The following ABCA13 variants were observed in gnomAD, a reference collection of about 807,000 sequenced individuals.
ABCA13 encodes the protein ATP binding cassette subfamily A member 13, also known as ATP-binding cassette sub-family A member 13.
ABCA13 carries 476 observed loss-of-function variants against 478.7 expected under a neutral mutation model. That is an observed-to-expected ratio of 0.99 (90% CI 0.92 to 1.07). The LOEUF (loss-of-function observed/expected upper bound fraction) is 1.07, where lower values mean the gene tolerates loss of function less well. Ranked by LOEUF, ABCA13 falls within the 50% of genes least tolerant of loss-of-function variation. The probability of loss-of-function intolerance (pLI) is 0.00; values close to 1 mark genes in which losing one functional copy is unlikely to be tolerated. For missense variants in ABCA13, 6,060 were observed against 5,910.6 expected, an observed-to-expected ratio of 1.03 and a Z score of -0.83; for synonymous variants, 2,252 against 2,158.9, an observed-to-expected ratio of 1.04 and a Z score of -1.20.
Position 48,273,100 on chromosome 7 carries a change from A to G in ABCA13, c.3434A>G (p.His1145Arg), listed in dbSNP as rs1376263715. The G allele has an allele frequency of 1.9e-6, 3 of 1,613,664 alleles. No individual in the cohort carries two copies. Among genetic ancestry groups the G allele is most frequent in the Non-Finnish European group, 1.7e-6 (2 of 1,179,758 alleles). Residue 1145 changes from histidine to arginine, a missense_variant, in exon 17 of 62, where the codon CAC becomes CGC. By Grantham distance (29) the His-to-Arg change is conservative. This residue lies in a region of ABCA13 where 4,423 missense variants were observed against 4,309.1 expected (regional missense o/e 1.03). Transcript: ENST00000435803. ...VSVFNKFMSI[H>R]CTVSWLQMWT... is the part of the protein sequence containing the mutation. ...GTGTTCAACAAGTTTATGTCCATTC[A>G]CTGTACCGTTTCATGGCTTCAAATG...
At chr7:48,537,630 C>T (rs968055050) in intron 55 of ABCA13, among the ~76,000 whole-genome samples, 4 of 152,136 alleles carry the variant, frequency 2.6e-5, no homozygotes, top group Admixed American at 6.6e-5. Flanking sequence ...AGCAGGGTTA[C>T]GAGCCAGAGT....
chr7:48,285,914 A>T (rs1268511069), intron 19 of ABCA13, among the ~76,000 whole-genome samples: 1 of 152,244 alleles, frequency 6.6e-6, no homozygotes, highest in Non-Finnish European at 1.5e-5. Context: ...GTAAAATAAG[A>T]TTAATGAGAA....
At chr7:48,633,666 A>G (rs1232794636) in intron 59 of ABCA13, among the ~76,000 whole-genome samples, 2 of 151,742 alleles carry the variant, frequency 1.3e-5, no homozygotes, top group East Asian at 1.9e-4. Flanking sequence ...CTCTTGAGGC[A>G]AGGAGTTTGA....
chr7:48,276,137 T>C lies in ABCA13; in HGVS notation c.6471T>C (p.Asp2157=). 2 of 1,597,364 alleles carry C rather than the reference T, an allele frequency of 1.3e-6. No individual in the cohort carries two copies. The highest frequency in any genetic ancestry group is 1.7e-6 in the Non-Finnish European group (2 of 1,171,264). Reference sequence around the variant, plus strand: ...TGACCAATGAGAGTTCAACTGAAGATATAGCTTTGTTAGCCAAAGCTATTG... The same window carrying C: ...TGACCAATGAGAGTTCAACTGAAGACATAGCTTTGTTAGCCAAAGCTATTG... ...IPVTNESSTE[D]IALLAKAIAT... The change falls in exon 17 of 62, where the codon GAT becomes GAC. Residue 2157 remains aspartate, a synonymous_variant. Transcript: ENST00000435803.
intron 55 of ABCA13, among the ~76,000 whole-genome samples, chr7:48,556,155 G>A (rs1785803436): frequency 6.6e-6 from 1 of 151,610 alleles, no homozygotes; most frequent in Non-Finnish European, 1.5e-5. Context: ...ATTCTCTTGT[G>A]GTCAGGGAAG....
At chr7:48,229,795 A>G in intron 6 of ABCA13, 30 bp from the exon 7 acceptor site, 1 of 1,613,226 alleles carries the variant, frequency 6.2e-7, no homozygotes, top group Non-Finnish European at 8.5e-7. Context: ...CTACCCACTC[A>G]TATTGCTTTT....
At chr7:48,229,204 A>G (rs1290947884) in intron 6 of ABCA13, among the ~76,000 whole-genome samples, 3 of 152,106 alleles carry the variant, frequency 2.0e-5, no homozygotes, top group Non-Finnish European at 2.9e-5. Flanking sequence ...CTAATCTACA[A>G]ATTTAAGCAT....
Position 48,275,802 on chromosome 7 carries a change from A to AT in ABCA13, c.6138dup (p.Glu2047Ter), listed in dbSNP as rs1339640992. Reference sequence around the variant, plus strand: ...CAGTTTAGAAGCATTATCAAGTTTTATTGAAAAAAGTGAAACACCTTACAA... The same window carrying AT: ...CAGTTTAGAAGCATTATCAAGTTTTATTTGAAAAAAGTGAAACACCTTACAA... On this transcript the variant is annotated frameshift_variant, in exon 17 of 62. Coordinates refer to ENST00000435803, the MANE Select transcript of ABCA13 (RefSeq NM_152701.5). LOFTEE classifies it high-confidence loss of function. 2.5e-6 allele frequency: 4 copies of AT among 1,612,468 alleles called. No homozygotes were observed. The African/African-American group carries it at 5.3e-5, about 22-fold the overall frequency.
At position 48,275,446 on chromosome 7, in the gene ABCA13, T is replaced by A; in HGVS notation, c.5780T>A (p.Phe1927Tyr). 6.2e-7 allele frequency: 1 copy of A among 1,613,936 alleles called. No individual in the cohort carries two copies. ...AAATTTTGGCATAAGATATTACCGT[T>A]TGTCCCACCTTCAATAAATCAAACT... ...VQKFWHKILP[F>Y]VPPSINQTRD... is the part of the protein sequence containing the mutation. Residue 1927 changes from phenylalanine to tyrosine, a missense_variant, in exon 17 of 62, where the codon TTT becomes TAT. By Grantham distance (22) the Phe-to-Tyr change is conservative (BLOSUM62 3). Coordinates refer to ENST00000435803, the MANE Select transcript of ABCA13 (RefSeq NM_152701.5).
intron 20 of ABCA13, among the ~76,000 whole-genome samples, chr7:48,294,909 T>A (rs976593278): frequency 6.6e-6 from 1 of 152,210 alleles, no homozygotes; most frequent in African/African-American, 2.4e-5. Flanking sequence ...TGAATAATAT[T>A]TTATTGTATA....
chr7:48,239,615 C>T (rs1174656167), intron 9 of ABCA13, among the ~76,000 whole-genome samples: 1 of 152,258 alleles, frequency 6.6e-6, no homozygotes, highest in Non-Finnish European at 1.5e-5. Flanking sequence ...CCTCAACACT[C>T]ATCACCAAAC....
intron 1 of ABCA13, among the ~76,000 whole-genome samples, chr7:48,173,469 A>G (rs546050489): frequency 6.6e-6 from 1 of 152,406 alleles, no homozygotes; most frequent in African/African-American, 2.4e-5. Flanking sequence ...TGTGCCAGAT[A>G]GTGGGTGAAC....
chr7:48,614,089 T>A (rs1448542771), intron 58 of ABCA13, among the ~76,000 whole-genome samples: 1 of 149,516 alleles, frequency 6.7e-6, no homozygotes, highest in Non-Finnish European at 1.5e-5. Flanking sequence ...ATATTAATAT[T>A]ATTTTATATT....
chr7:48,492,554 G>A (rs562947971), intron 48 of ABCA13, among the ~76,000 whole-genome samples: 2 of 152,088 alleles, frequency 1.3e-5, no homozygotes, highest in Non-Finnish European at 2.9e-5. Flanking sequence ...AACTTGGTCC[G>A]CAGTGTAACA....
intron 42 of ABCA13, among the ~76,000 whole-genome samples, chr7:48,453,604 A>G (rs1172495924): frequency 6.6e-6 from 1 of 152,066 alleles, no homozygotes; most frequent in Non-Finnish European, 1.5e-5. Flanking sequence ...TGCCAGGCCT[A>G]TTTATACCTC....
intron 40 of ABCA13, among the ~76,000 whole-genome samples, chr7:48,411,120 CTCCTT>C (rs201048330): frequency 0.12 from 13,665 of 117,234 alleles, 2,508 homozygotes; most frequent in Admixed American, 0.19. Flanking sequence ...TTTTCTTTCT[CTCCTT>C]TCCTTTCCTT....
Position 48,367,840 on chromosome 7 carries a change from A to G in ABCA13, c.10735A>G (p.Thr3579Ala). 2 of 1,580,288 alleles carry G rather than the reference A, an allele frequency of 1.3e-6. No homozygotes were observed. The highest frequency in any genetic ancestry group is 8.6e-7 in the Non-Finnish European group (1 of 1,161,956). ...GFFFPLIMML[T>A]WMVSVASMVR... ...CTTTTTTCCACTGATAATGATGCTGACGTGGATGGTGTCTGTGGCCAGCAT... is the reference window on the plus strand; with the variant it reads ...CTTTTTTCCACTGATAATGATGCTGGCGTGGATGGTGTCTGTGGCCAGCAT... The change falls in exon 32 of 62, where the codon ACG becomes GCG. Residue 3579 changes from threonine (T) to alanine (A), a missense_variant. Transcript: ENST00000435803.
chr7:48,614,211 G>A lies in ABCA13; in HGVS notation c.14745-1074G>A, dbSNP rs73094698. 9.4e-3 allele frequency among the ~76,000 whole-genome samples: 1,420 copies of A among 150,666 alleles called. 56 individuals carry two copies. The highest frequency in any genetic ancestry group is 0.014 in the Non-Finnish European group (923 of 67,492). ...TATTTCATTTGTGCCTATTAGTAAG[G>A]CTTCCTTGTTTCTTTTCATAAAACA... On this transcript the variant is annotated intron_variant, in intron 58 of 61. Transcript: ENST00000435803.
At chr7:48,545,668 T>C (rs1396934338) in intron 55 of ABCA13, among the ~76,000 whole-genome samples, 1 of 150,774 alleles carries the variant, frequency 6.6e-6, no homozygotes, top group East Asian at 1.9e-4. Context: ...AAAAGGAGAA[T>C]TGGCACACAA....
Sources: allele counts gnomAD v4.1 joint callset (sites outside exome capture counted in the v4.1 genomes callset), GRCh38; gene constraint gnomAD v4.1.1; regional missense constraint gnomAD v4.1.1; transcripts MANE v1.5; gene names NCBI Gene and HGNC (gene_info 2026-07-23, HGNC 2026-07-21).